SPARC: variants seen among roughly 807,000 people sequenced by gnomAD.
The protein encoded by SPARC is basement-membrane protein 40.
In SPARC, 23 loss-of-function variants were observed where a neutral mutation model predicts 37.7. The ratio of observed to expected loss-of-function variants is 0.61; its 90% CI spans 0.44 to 0.87. The LOEUF (loss-of-function observed/expected upper bound fraction) is 0.87. Ranked by LOEUF, SPARC falls within the 40% of genes least tolerant of loss-of-function variation. SPARC has a pLI of 0.00. For missense variants in SPARC, 312 were observed against 389.0 expected, an observed-to-expected ratio of 0.80 and a Z score of 1.66; for synonymous variants, 155 against 150.8, an observed-to-expected ratio of 1.03 and a Z score of -0.20.
In SPARC at chr5:151,671,932, G is replaced by C. The variant is rs377730720; in HGVS notation, c.209-238C>G. The C allele has an allele frequency of 8.6e-4, 425 of 493,660 alleles. 5 individuals are homozygous for C. Among genetic ancestry groups the C allele is most frequent in the African/African-American group, 8.0e-3 (393 of 49,046 alleles). The allele number at this position is 493,660 out of a possible 1,614,324, so 30.6% of individuals were successfully genotyped here. ...AGATAGAGGTCAGGCACTTCTGGGG[G>C]GCTGGAGGCTCAGTCTGGGACCCAG... On this transcript the variant is annotated intron_variant, in intron 4 of 9. Coordinates refer to ENST00000231061, the MANE Select transcript of SPARC (RefSeq NM_003118.4).
At chr5:151,670,201 T>C (rs1414304574) in intron 5 of SPARC, among the ~76,000 whole-genome samples, 5 of 152,226 alleles carry the variant, frequency 3.3e-5, no homozygotes, top group Non-Finnish European at 7.3e-5. Context: ...GGAACTTAGC[T>C]GGGAAACAGT....
intron 1 of SPARC, chr5:151,679,826 G>C (rs1351801951): frequency 1.3e-5 from 2 of 152,238 alleles, no homozygotes; most frequent in East Asian, 3.9e-4. Flanking sequence ...CTGAACGTTA[G>C]AACAGGGGGG....
chr5:151,681,399 G>A (rs1266144756), intron 1 of SPARC, among the ~76,000 whole-genome samples: 1 of 152,180 alleles, frequency 6.6e-6, no homozygotes, highest in East Asian at 1.9e-4. Context: ...CGAATTCAGG[G>A]GAGTCTCCTC....
intron 1 of SPARC, among the ~76,000 whole-genome samples, chr5:151,678,285 A>G (rs1012616235): frequency 3.3e-5 from 5 of 152,178 alleles, no homozygotes; most frequent in African/African-American, 1.2e-4. Context: ...CGTCCTTCAT[A>G]TGAGCAGAGT....
At chr5:151,685,874 C>T (rs1228166933) in intron 1 of SPARC, 1 of 152,182 alleles carries the variant, frequency 6.6e-6, no homozygotes, top group Non-Finnish European at 1.5e-5. Context: ...CCCCCCTTCC[C>T]TTGGAGTCCT....
chr5:151,671,017 G>A (rs1024537912), intron 5 of SPARC, among the ~76,000 whole-genome samples: 2 of 152,128 alleles, frequency 1.3e-5, no homozygotes, highest in African/African-American at 2.4e-5. Flanking sequence ...TTACTTGGAC[G>A]GATGGATGGA....
In SPARC at chr5:151,680,008, G is replaced by A. The variant is rs540179755; in HGVS notation, c.-13-3807C>T. ...TGATGAACACATTCTATATCTACGT[G>A]GTCCACTATGATAGCTACTGGTTAC... On this transcript the variant is annotated intron_variant, in intron 1 of 9. Coordinates refer to ENST00000231061, the MANE Select transcript of SPARC (RefSeq NM_003118.4). Among the ~76,000 whole-genome samples the A allele has an allele frequency of 2.0e-5, 3 of 152,180 alleles. No homozygotes were observed. In the South Asian group the frequency reaches 6.2e-4, roughly 32 times the overall value.
chr5:151,671,853 A>G (rs1760755712), intron 4 of SPARC, 159 bp from the exon 5 acceptor site: 1 of 853,424 alleles, frequency 1.2e-6, no homozygotes, highest in Non-Finnish European at 1.8e-6. Context: ...TGAGCCTCAC[A>G]GTCAACATTT....
chr5:151,669,487 T>C (rs937446162), intron 6 of SPARC, among the ~76,000 whole-genome samples, 177 bp downstream of exon 6: 1 of 152,020 alleles, frequency 6.6e-6, no homozygotes, highest in Non-Finnish European at 1.5e-5. Context: ...GAACTCAGAG[T>C]TGAGAGGAGC....
chr5:151,670,967 C>T (rs1329611954), intron 5 of SPARC, among the ~76,000 whole-genome samples: 2 of 152,176 alleles, frequency 1.3e-5, no homozygotes, highest in Admixed American at 6.5e-5. Context: ...TAGACTGCCA[C>T]TAGCATGATG....
chr5:151,683,061 C>T (rs1326255177), intron 1 of SPARC, among the ~76,000 whole-genome samples: 1 of 151,418 alleles, frequency 6.6e-6, no homozygotes, highest in Non-Finnish European at 1.5e-5. Flanking sequence ...CCTGCACAGC[C>T]CAGCTGTCCC....
chr5:151,671,653 C>T lies in SPARC; in HGVS notation c.250G>A (p.Glu84Lys), dbSNP rs754817963. ...ATGGGGGTGTTGTTCTCATCCAGCT[C>T]GCACACCTTGCCGTGTTTGCAGTGG... Reference protein sequence around the residue: ...NHHCKHGKVCELDENNTPMCV... With the variant: ...NHHCKHGKVCKLDENNTPMCV... Residue 84 changes from glutamate (E) to lysine (K), a missense_variant, in exon 5 of 10, where the codon GAG becomes AAG. By Grantham distance (56) the Glu-to-Lys change is moderately conservative (BLOSUM62 1). Transcript: ENST00000231061. 12 of 1,612,894 alleles carry T rather than the reference C, an allele frequency of 7.4e-6. No homozygotes were observed. The highest frequency in any genetic ancestry group is 3.3e-4 in the Middle Eastern group (2 of 6,076).
intron 1 of SPARC, among the ~76,000 whole-genome samples, chr5:151,684,068 A>C (rs990225572): frequency 6.6e-6 from 1 of 152,190 alleles, no homozygotes; most frequent in African/African-American, 2.4e-5. Context: ...TGTTTTCAGC[A>C]AGGAAAGCTG....
At chr5:151,668,564 G>A (rs1373135084) in intron 6 of SPARC, among the ~76,000 whole-genome samples, 1 of 152,134 alleles carries the variant, frequency 6.6e-6, no homozygotes, top group Non-Finnish European at 1.5e-5. Context: ...TGGTCACCTG[G>A]GGGCTTAGGG....
chr5:151,683,670 C>T (rs1466464345), intron 1 of SPARC, among the ~76,000 whole-genome samples: 1 of 152,110 alleles, frequency 6.6e-6, no homozygotes, highest in Non-Finnish European at 1.5e-5. Flanking sequence ...GTTTGTATAC[C>T]TGATGGCATG....
At chr5:151,664,895 C>T (rs1414565657) in intron 8 of SPARC, among the ~76,000 whole-genome samples, 2 of 152,142 alleles carry the variant, frequency 1.3e-5, no homozygotes, top group African/African-American at 4.8e-5. Flanking sequence ...TCCCTGCTGG[C>T]CTTAGACTCC....
intron 2 of SPARC, among the ~76,000 whole-genome samples, chr5:151,675,661 C>T (rs191850592): frequency 6.6e-6 from 1 of 152,186 alleles, no homozygotes; most frequent in Non-Finnish European, 1.5e-5. Context: ...ATATTATAAT[C>T]TACCTCTGTA....
At chr5:151,676,000 G>GA (rs1233786356) in intron 2 of SPARC, 132 bp downstream of exon 2, 18,805 of 589,132 alleles carry the variant, frequency 0.032, no homozygotes, top group South Asian at 0.041. Context: ...CCTAACTTAA[G>GA]AAAAAAAAAA....
chr5:151,683,239 G>A (rs991516669), intron 1 of SPARC, among the ~76,000 whole-genome samples: 3 of 152,222 alleles, frequency 2.0e-5, no homozygotes, highest in African/African-American at 4.8e-5. Flanking sequence ...GGGAGCAGCC[G>A]CCTACAGGCA....
Sources: gnomAD v4.1 joint callset for allele counts (sites outside exome capture counted in the v4.1 genomes callset) on GRCh38, gnomAD v4.1.1 for gene constraint, MANE v1.5 for transcripts, NCBI Gene and HGNC (gene_info 2026-07-23, HGNC 2026-07-21) for gene names.